The following APC variants were observed in gnomAD, a reference collection of about 807,000 sequenced individuals.
APC encodes the protein APC regulator of Wnt signaling pathway.
APC carries 72 observed loss-of-function variants against 247.0 expected under a neutral mutation model. The observed-to-expected ratio is 0.29, with a 90% CI of 0.24 to 0.35. The LOEUF is 0.35. Among genes scored for constraint, APC ranks in the 10% least tolerant of loss-of-function variants. The pLI is 1.00. For missense variants in APC, 3,400 were observed against 3,360.7 expected (o/e 1.01, Z -0.29); for synonymous variants, 1,254 against 1,162.5 (o/e 1.08, Z -1.60).
chr5:112,758,420 G>A (rs1019447251), intron 2 of APC, among the ~76,000 whole-genome samples: 9 of 152,246 alleles, frequency 5.9e-5, no homozygotes, highest in Non-Finnish European at 7.4e-5. Context: ...TCCGCCTCCC[G>A]GGTTCAAGCG....
chr5:112,713,033 T>C (rs1471357690), intron 1 of APC, among the ~76,000 whole-genome samples: 1 of 152,020 alleles, frequency 6.6e-6, no homozygotes, highest in Admixed American at 6.5e-5. Context: ...TAGCCGGGTA[T>C]GGTGGCAGGC....
intron 1 of APC, among the ~76,000 whole-genome samples, chr5:112,742,861 G>A (rs1049718405): frequency 5.3e-5 from 8 of 152,248 alleles, no homozygotes; most frequent in Admixed American, 1.3e-4. Context: ...TCATTACATC[G>A]ACCAGTGAAA....
chr5:112,716,233 C>T (rs1031460267), intron 1 of APC, among the ~76,000 whole-genome samples: 1 of 152,028 alleles, frequency 6.6e-6, no homozygotes, highest in Non-Finnish European at 1.5e-5. Context: ...GCCATTTTAG[C>T]TAGTTCTATT....
At chr5:112,769,205 C>T (rs571033712) in intron 4 of APC, among the ~76,000 whole-genome samples, 26 of 151,832 alleles carry the variant, frequency 1.7e-4, no homozygotes, top group African/African-American at 5.3e-4. Flanking sequence ...CACGCCCCAC[C>T]GCGTCCGGCT....
chr5:112,709,941 T>C (rs907870786), intron 1 of APC, among the ~76,000 whole-genome samples: 36 of 152,138 alleles, frequency 2.4e-4, no homozygotes, highest in African/African-American at 7.0e-4. Flanking sequence ...TCCACTCTTA[T>C]GGAATTTGGT....
At chr5:112,723,285 G>A (rs974928241) in intron 1 of APC, among the ~76,000 whole-genome samples, 1 of 152,076 alleles carries the variant, frequency 6.6e-6, no homozygotes, top group African/African-American at 2.4e-5. Context: ...AACATGGAGA[G>A]GCCCTGCCTC....
chr5:112,789,850 A>G (rs545537186), intron 6 of APC, among the ~76,000 whole-genome samples: 5 of 149,572 alleles, frequency 3.3e-5, no homozygotes, highest in Non-Finnish European at 4.5e-5. Context: ...TTTGTTACTT[A>G]AAGAATATTT....
intron 7 of APC, among the ~76,000 whole-genome samples, chr5:112,798,496 T>C (rs1302199959): frequency 2.0e-5 from 3 of 152,196 alleles, no homozygotes; most frequent in Non-Finnish European, 2.9e-5. Context: ...GCTTGATAAA[T>C]CTAAAAGTCA....
chr5:112,810,914 A>G (rs1266260412), intron 8 of APC, among the ~76,000 whole-genome samples: 1 of 152,054 alleles, frequency 6.6e-6, no homozygotes, highest in Non-Finnish European at 1.5e-5. Flanking sequence ...AATCCCAGCT[A>G]CTCTGGAGGC....
chr5:112,769,047 C>CTTTTTTTT (rs1561467916), intron 4 of APC, among the ~76,000 whole-genome samples: 1 of 106,208 alleles, frequency 9.4e-6, no homozygotes. Flanking sequence ...TCTTTTTTTT[C>CTTTTTTTT]TTCTTTTTTT....
chr5:112,708,985 A>G (rs1750693733), intron 1 of APC, among the ~76,000 whole-genome samples: 1 of 152,198 alleles, frequency 6.6e-6, no homozygotes, highest in South Asian at 2.1e-4. Flanking sequence ...TGCCATGGCT[A>G]ATTTTTCCAT....
chr5:112,711,037 A>G (rs1044223865), intron 1 of APC, among the ~76,000 whole-genome samples: 1 of 152,198 alleles, frequency 6.6e-6, no homozygotes, highest in Non-Finnish European at 1.5e-5. Context: ...TTCCTCTGTC[A>G]TCCTTGGTTT....
At chr5:112,770,983 A>C (rs1459465963) in intron 4 of APC, among the ~76,000 whole-genome samples, 2 of 152,126 alleles carry the variant, frequency 1.3e-5, no homozygotes, top group Non-Finnish European at 2.9e-5. Context: ...TAAGACTGTT[A>C]ACAGTTACAT....
intron 6 of APC, among the ~76,000 whole-genome samples, chr5:112,782,848 A>G (rs958572059): frequency 1.3e-5 from 2 of 152,200 alleles, no homozygotes; most frequent in African/African-American, 4.8e-5. Context: ...AAATTGGGAG[A>G]AGATATTTAT....
rs528441056 is a variant in APC at position 112,715,586 on chromosome 5, T to G, written c.165+7704T>G. On this transcript the variant is annotated intron_variant, in intron 1 of 13. Coordinates refer to the APC transcript ENST00000507379. The stretch of plus-strand genomic sequence containing the variant: ...GTGTATAGTTGGAATGAATTCTTCC[T>G]TAAATATTTGTTATAACATGTCAGA... Among the ~76,000 whole-genome samples, 7 of 152,306 alleles carry G rather than the reference T, an allele frequency of 4.6e-5. No homozygotes were observed. The South Asian group carries it at 1.2e-3, about 27-fold the overall frequency.
At chr5:112,830,334 G>A (rs9986303) in intron 14 of APC, among the ~76,000 whole-genome samples, 2,662 of 109,392 alleles carry the variant, frequency 0.024, 84 homozygotes, top group African/African-American at 0.081. Context: ...AATCATCAGG[G>A]AATACAAATT....
At chr5:112,734,004 A>G (rs933854645), upstream of APC, among the ~76,000 whole-genome samples, 1 of 152,210 alleles carries the variant, frequency 6.6e-6, no homozygotes, top group Non-Finnish European at 1.5e-5. Context: ...CATAGAACAT[A>G]CTGGTAAGTC....
chr5:112,816,715 C>T (rs936728936), intron 9 of APC, among the ~76,000 whole-genome samples: 1 of 151,258 alleles, frequency 6.6e-6, no homozygotes, highest in African/African-American at 2.4e-5. Context: ...ATTGTTTGAA[C>T]CTGGGAGGCG....
intron 2 of APC, among the ~76,000 whole-genome samples, chr5:112,763,942 A>G (rs1376819346): frequency 2.0e-5 from 3 of 152,192 alleles, no homozygotes; most frequent in African/African-American, 7.2e-5. Flanking sequence ...AATCTTACAA[A>G]GAGAGACCTG....
Sources: allele counts gnomAD v4.1 joint callset (sites outside exome capture counted in the v4.1 genomes callset), GRCh38; gene constraint gnomAD v4.1.1; transcripts MANE v1.5; gene names NCBI Gene and HGNC (gene_info 2026-07-23, HGNC 2026-07-21).